Variants in MPHOSPH9 observed in about 807,000 individuals in gnomAD.
The protein encoded by MPHOSPH9 is M-phase phosphoprotein 9.
MPHOSPH9 carries 88 observed loss-of-function variants against 145.5 expected under a neutral mutation model. That is an observed-to-expected ratio of 0.60 (90% CI 0.51 to 0.72). MPHOSPH9 has a LOEUF of 0.72. Ranked by LOEUF, MPHOSPH9 falls within the 30% of genes least tolerant of loss-of-function variation. The pLI, the probability that MPHOSPH9 is intolerant of heterozygous loss-of-function variation, is 0.00. For synonymous variants in MPHOSPH9, 435 were observed against 486.2 expected, an observed-to-expected ratio of 0.89 and a Z score of 1.39; for missense variants, 1,238 against 1,386.6, an observed-to-expected ratio of 0.89 and a Z score of 1.70.
chr12:123,225,443 CAAA>C (rs56225104), intron 3 of MPHOSPH9, among the ~76,000 whole-genome samples: 126 of 102,150 alleles, frequency 1.2e-3, no homozygotes, highest in Non-Finnish European at 1.7e-3. Flanking sequence ...GACCCTATTT[CAAA>C]AAAAAAAAAA....
At chr12:123,209,095 G>A (rs929394269) in intron 8 of MPHOSPH9, among the ~76,000 whole-genome samples, 1 of 152,034 alleles carries the variant, frequency 6.6e-6, no homozygotes, top group African/African-American at 2.4e-5. Context: ...ACCACGCCCA[G>A]CTAATTTTTG....
intron 3 of MPHOSPH9, among the ~76,000 whole-genome samples, chr12:123,224,204 G>A (rs1179927379): frequency 2.8e-5 from 4 of 143,980 alleles, no homozygotes; most frequent in South Asian, 2.2e-4. Flanking sequence ...GCATGATCTC[G>A]GCTCACTGCA....
intron 1 of MPHOSPH9, chr12:123,240,626 C>A (rs1374461321): frequency 6.8e-5 from 10 of 147,052 alleles, no homozygotes; most frequent in Non-Finnish European, 1.5e-4. Flanking sequence ...AAAAAAAAAA[C>A]AAACAGTGAA....
At chr12:123,172,486 C>A (rs930904607) in intron 16 of MPHOSPH9, among the ~76,000 whole-genome samples, 1 of 152,086 alleles carries the variant, frequency 6.6e-6, no homozygotes, top group Non-Finnish European at 1.5e-5. Flanking sequence ...GCACATGCCA[C>A]CATACCCAGC....
At chr12:123,214,296 T>C (rs1324677968) in intron 7 of MPHOSPH9, among the ~76,000 whole-genome samples, 1 of 152,140 alleles carries the variant, frequency 6.6e-6, no homozygotes, top group Non-Finnish European at 1.5e-5. Flanking sequence ...CCCAGCACTT[T>C]GAGAAACCGA....
At chr12:123,215,294 T>C (rs2046910721) in intron 6 of MPHOSPH9, among the ~76,000 whole-genome samples, 1 of 151,488 alleles carries the variant, frequency 6.6e-6, no homozygotes, top group African/African-American at 2.4e-5. Context: ...TGCTAACTGA[T>C]AGGAATTCAC....
intron 11 of MPHOSPH9, among the ~76,000 whole-genome samples, chr12:123,199,067 G>A (rs983802410): frequency 6.6e-6 from 1 of 151,782 alleles, no homozygotes; most frequent in East Asian, 1.9e-4. Context: ...GTACAGTGGT[G>A]CAATCACGGT....
chr12:123,172,243 A>G (rs2044615435), intron 16 of MPHOSPH9, among the ~76,000 whole-genome samples: 1 of 152,210 alleles, frequency 6.6e-6, no homozygotes, highest in African/African-American at 2.4e-5. Flanking sequence ...TGTTGCACAA[A>G]AGCTGCCGTA....
chr12:123,174,480 C>T (rs1260542456), intron 16 of MPHOSPH9, among the ~76,000 whole-genome samples: 1 of 151,478 alleles, frequency 6.6e-6, no homozygotes, highest in Non-Finnish European at 1.5e-5. Flanking sequence ...TCACGCCATT[C>T]TCCTGCCTCA....
intron 16 of MPHOSPH9, among the ~76,000 whole-genome samples, chr12:123,169,315 G>A (rs994054306): frequency 6.8e-6 from 1 of 147,944 alleles, no homozygotes; most frequent in Admixed American, 6.8e-5. Context: ...CTAACATGGT[G>A]AAACCCCGTC....
intron 16 of MPHOSPH9, 67 bp downstream of exon 16, chr12:123,176,621 A>G (rs576454272): frequency 8.5e-7 from 1 of 1,170,036 alleles, no homozygotes; most frequent in Admixed American, 2.0e-5. Context: ...TAGACAGATG[A>G]GTTTCTCGTC....
chr12:123,189,627 T>C (rs1301180198), intron 13 of MPHOSPH9, among the ~76,000 whole-genome samples: 1 of 152,080 alleles, frequency 6.6e-6, no homozygotes, highest in African/African-American at 2.4e-5. Flanking sequence ...GTGAAAAAAG[T>C]TGCATAACAT....
chr12:123,163,194 T>A, intron 19 of MPHOSPH9, 60 bp from the exon 20 acceptor site: 2 of 1,457,192 alleles, frequency 1.4e-6, no homozygotes, highest in Non-Finnish European at 1.8e-6. Flanking sequence ...GCATAACAGT[T>A]TCTTATTCAG....
rs148709890 is a variant in MPHOSPH9, at chr12:123,223,279, G to A, written c.259-152C>T. ...ACTCTCATAGCTAGAGTATGCTGGC[G>A]CGCCACACCAAGAGAGCAGGGAGTT... is the stretch of plus-strand genomic sequence containing the variant. On this transcript the variant is annotated intron_variant, in intron 3 of 23. Transcript: ENST00000606320. 365 of 436,834 alleles carry A rather than the reference G, an allele frequency of 8.4e-4. 1 individual carries two copies. Among genetic ancestry groups the A allele is most frequent in the African/African-American group, 6.9e-3 (338 of 48,818 alleles). 27.1% of individuals were successfully genotyped at this position (436,834 alleles called of 1,614,324 possible).
At chr12:123,226,589 C>T (rs1231053823) in intron 3 of MPHOSPH9, among the ~76,000 whole-genome samples, 4 of 151,624 alleles carry the variant, frequency 2.6e-5, no homozygotes, top group Admixed American at 6.6e-5. Flanking sequence ...TGGGCACAAG[C>T]TATCCACCTC....
chr12:123,169,252 T>C (rs1306075588), intron 16 of MPHOSPH9, among the ~76,000 whole-genome samples: 2 of 150,896 alleles, frequency 1.3e-5, no homozygotes, highest in East Asian at 2.1e-4. Flanking sequence ...TCCTAGCACT[T>C]TGAGAGGCCA....
chr12:123,212,736 A>T (rs2046785757), intron 7 of MPHOSPH9, among the ~76,000 whole-genome samples: 1 of 139,032 alleles, frequency 7.2e-6, no homozygotes, highest in Non-Finnish European at 1.6e-5. Flanking sequence ...AAAAAAGGAC[A>T]GAGTACAATC....
intron 4 of MPHOSPH9, 121 bp from the exon 5 acceptor site, chr12:123,222,016 ACTTTAT>A (rs1225712231): frequency 1.0e-5 from 7 of 676,400 alleles, no homozygotes; most frequent in East Asian, 8.5e-5. Context: ...ATAATGTGAT[ACTTTAT>A]CTTTAGTTTA....
intron 12 of MPHOSPH9, among the ~76,000 whole-genome samples, chr12:123,196,509 G>C (rs2045952622): frequency 6.6e-6 from 1 of 151,892 alleles, no homozygotes; most frequent in South Asian, 2.1e-4. Context: ...AGAAACTTTT[G>C]ACCCTTAAAA....
Sources: gnomAD v4.1 joint callset for allele counts (sites outside exome capture counted in the v4.1 genomes callset) on GRCh38, gnomAD v4.1.1 for gene constraint, MANE v1.5 for transcripts, NCBI Gene and HGNC (gene_info 2026-07-23, HGNC 2026-07-21) for gene names.